The following FOXL2NB variants were observed in gnomAD, a reference collection of about 807,000 sequenced individuals.
FOXL2NB encodes the protein FOXL2 neighbor, also known as FOXL2 neighbor protein.
FOXL2NB carries 10 observed loss-of-function variants against 7.4 expected under a neutral mutation model. That is an observed-to-expected ratio of 1.34 (90% confidence interval 0.83 to 2.28). The LOEUF (loss-of-function observed/expected upper bound fraction) is 2.28, where lower values mean the gene tolerates loss of function less well. FOXL2NB is among the 30% of genes most tolerant of loss of function. The pLI is 0.00. For missense variants in FOXL2NB, 228 were observed against 233.9 expected (o/e 0.97, Z 0.17); for synonymous variants, 104 against 105.3 (o/e 0.99, Z 0.08).
In FOXL2NB at chr3:138,952,444, A is replaced by G. The variant is rs1936149860; in HGVS notation, c.*1872A>G. The G allele has an allele frequency of 6.8e-6, 1 of 148,074 alleles. No homozygotes were observed. The highest frequency in any genetic ancestry group is 1.5e-5 in the Non-Finnish European group (1 of 68,042). 9.2% of individuals were successfully genotyped at this position (148,074 alleles called of 1,614,324 possible). A position where few individuals can be genotyped will look rare whatever the true frequency, so the allele number is the denominator to read the frequency against. On this transcript the variant is annotated 3_prime_UTR_variant, in exon 3 of 3. Transcript: ENST00000383165. Reference sequence around the variant, plus strand: ...ACCTTTGGAGATTTTCCTCATGCCAAGATAGGGTGTGTGTGTGTGTGTGTG... The same window carrying G: ...ACCTTTGGAGATTTTCCTCATGCCAGGATAGGGTGTGTGTGTGTGTGTGTG...
chr3:138,948,551 A>C (rs1936042368), intron 1 of FOXL2NB, among the ~76,000 whole-genome samples: 1 of 152,162 alleles, frequency 6.6e-6, no homozygotes, highest in African/African-American at 2.4e-5. Flanking sequence ...GGGCAAGGCC[A>C]CCTTATGGAG....
chr3:138,950,909 T>A lies in FOXL2NB; in HGVS notation c.*337T>A. On this transcript the variant is annotated 3_prime_UTR_variant, in exon 3 of 3. Coordinates refer to ENST00000383165, the MANE Select transcript of FOXL2NB (RefSeq NM_001040061.3). Reference sequence around the variant, plus strand: ...TGCAGAAGGACCAATGGGCTCCAGGTTTACAAGCCTGACTCCGAGAAGCCT... The same window carrying A: ...TGCAGAAGGACCAATGGGCTCCAGGATTACAAGCCTGACTCCGAGAAGCCT... 3.3e-6 allele frequency: 1 copy of A among 307,156 alleles called. No individual in the cohort carries two copies. The highest frequency in any genetic ancestry group is 6.0e-6 in the Non-Finnish European group (1 of 166,768). 19.0% of individuals were successfully genotyped at this position (307,156 alleles called of 1,614,324 possible). A position where few individuals can be genotyped will look rare whatever the true frequency, so the allele number is the denominator to read the frequency against.
In FOXL2NB at chr3:138,947,824, G is replaced by A. The variant is rs534801540; in HGVS notation, c.100+360G>A. On this transcript the variant is annotated intron_variant, in intron 1 of 2. Transcript: ENST00000383165. The surrounding 1 kb of genome is among the most constrained non-coding windows in gnomAD (Gnocchi z 5.2). ...TACGGGGTTGGAGTGAAGGTTGGAT[G>A]TGTGCTTTAACAGCACCAAGTAGAT... The A allele has an allele frequency of 1.4e-5, 15 of 1,041,776 alleles. No homozygotes were observed. The highest frequency in any genetic ancestry group is 1.7e-5 in the Non-Finnish European group (15 of 866,208). The allele number at this position is 1,041,776 out of a possible 1,614,324, so 64.5% of individuals were successfully genotyped here.
Position 138,951,262 on chromosome 3 carries a change from A to C in FOXL2NB, c.*690A>C, listed in dbSNP as rs1936125769. The C allele has an allele frequency of 6.6e-6, 1 of 152,220 alleles. No homozygotes were observed. Among genetic ancestry groups the C allele is most frequent in the Non-Finnish European group, 1.5e-5 (1 of 68,096 alleles). 9.4% of individuals were successfully genotyped at this position (152,220 alleles called of 1,614,324 possible). A position where few individuals can be genotyped will look rare whatever the true frequency, so the allele number is the denominator to read the frequency against. Reference sequence around the variant, plus strand: ...AGAGAATAGGGGAGTGGAGAGAGAGAGAGAGATATTGAGGAAGAGGAAAGA... The same window carrying C: ...AGAGAATAGGGGAGTGGAGAGAGAGCGAGAGATATTGAGGAAGAGGAAAGA... On this transcript the variant is annotated 3_prime_UTR_variant, in exon 3 of 3. Coordinates refer to ENST00000383165, the MANE Select transcript of FOXL2NB (RefSeq NM_001040061.3).
intron 2 of FOXL2NB, 130 bp from the exon 3 acceptor site, chr3:138,950,135 T>C (rs1359443083): frequency 4.0e-6 from 4 of 1,000,158 alleles, no homozygotes; most frequent in Non-Finnish European, 6.2e-6. Flanking sequence ...CGGATACGGT[T>C]CCAGTGAACC....
In FOXL2NB at chr3:138,949,306, C is replaced by T. The variant is rs986264031; in HGVS notation, c.101-214C>T. On this transcript the variant is annotated intron_variant, in intron 1 of 2. Coordinates refer to ENST00000383165, the MANE Select transcript of FOXL2NB (RefSeq NM_001040061.3). The surrounding 1 kb of genome is among the most constrained non-coding windows in gnomAD (Gnocchi z 4.5). The stretch of plus-strand genomic sequence containing the variant: ...GCCCTGCAGCAGCCAGGTGTAACAG[C>T]ATTGTTGTGTGTGTCATCACTTCCC... Among the ~76,000 whole-genome samples, 4 of 151,910 alleles carry T rather than the reference C, an allele frequency of 2.6e-5. No individual in the cohort carries two copies. The highest frequency in any genetic ancestry group is 5.9e-5 in the Non-Finnish European group (4 of 68,002).
In FOXL2NB at chr3:138,950,480, CG is replaced by C; in HGVS notation, c.439del (p.Glu147ArgfsTer3). ...CACCCGGCGGCTTCCCGCTCCTGAG[CG>C]GGAGAGAATAGAGCTTGCTGCAACC... is the stretch of plus-strand genomic sequence containing the variant. ...RNTRRLPAPERERIELAATLC... is the reference protein window; with the variant it reads ...RNTRRLPAPEXERIELAATLC... On this transcript the variant is annotated frameshift_variant, in exon 3 of 3. Transcript: ENST00000383165. LOFTEE classifies it low-confidence loss of function (END_TRUNC). 6.2e-7 allele frequency: 1 copy of C among 1,614,188 alleles called. No homozygotes were observed. Among genetic ancestry groups the C allele is most frequent in the South Asian group, 1.1e-5 (1 of 91,090 alleles).
rs1402650801 is a variant in FOXL2NB, at chr3:138,952,792, G to A, written c.*2220G>A. ...GATTTGCCTGCTTCAACTTCCCAAA[G>A]TGTTGGGATTACAGGTGTGAGCCAC... On this transcript the variant is annotated 3_prime_UTR_variant, in exon 3 of 3. Transcript: ENST00000383165. 1.3e-5 allele frequency: 2 copies of A among 151,288 alleles called. No homozygotes were observed. The highest frequency in any genetic ancestry group is 2.9e-5 in the Non-Finnish European group (2 of 67,982). 9.4% of individuals were successfully genotyped at this position (151,288 alleles called of 1,614,324 possible).
chr3:138,949,652 G>A lies in FOXL2NB; in HGVS notation c.220+13G>A, dbSNP rs895868983. On this transcript the variant is annotated intron_variant, in intron 2 of 2. Transcript: ENST00000383165. The surrounding 1 kb of genome is among the most constrained non-coding windows in gnomAD (Gnocchi z 4.5). ...GCTCAGAAAACAGGCAAGAAAATGC[G>A]GGCGGGAAAGCTGGCAGAATGATTA... 1.2e-6 allele frequency: 2 copies of A among 1,614,064 alleles called. No individual in the cohort carries two copies. Among genetic ancestry groups the A allele is most frequent in the Non-Finnish European group, 1.7e-6 (2 of 1,180,002 alleles).
chr3:138,949,401 T>C lies in FOXL2NB; in HGVS notation c.101-119T>C. On this transcript the variant is annotated intron_variant, in intron 1 of 2. Transcript: ENST00000383165. The surrounding 1 kb of genome is among the most constrained non-coding windows in gnomAD (Gnocchi z 4.5). ...GTGTGTATGCATGTGCGTGTGTGTGTGTGTGTGTGTGTGTGTAGGGGTTGG... is the reference window on the plus strand; with the variant it reads ...GTGTGTATGCATGTGCGTGTGTGTGCGTGTGTGTGTGTGTGTAGGGGTTGG... 9.1e-7 allele frequency: 1 copy of C among 1,097,582 alleles called. No individual in the cohort carries two copies. Among genetic ancestry groups the C allele is most frequent in the Non-Finnish European group, 1.3e-6 (1 of 759,270 alleles). The allele number at this position is 1,097,582 out of a possible 1,614,324, so 68.0% of individuals were successfully genotyped here. A position where few individuals can be genotyped will look rare whatever the true frequency, so the allele number is the denominator to read the frequency against.
Position 138,950,865 on chromosome 3 carries a change from T to A in FOXL2NB, c.*293T>A. 1 of 427,754 alleles carries A rather than the reference T, an allele frequency of 2.3e-6. No individual in the cohort carries two copies. Among genetic ancestry groups the A allele is most frequent in the Non-Finnish European group, 4.1e-6 (1 of 241,278 alleles). The allele number at this position is 427,754 out of a possible 1,614,324, so 26.5% of individuals were successfully genotyped here. On this transcript the variant is annotated 3_prime_UTR_variant, in exon 3 of 3. Coordinates refer to ENST00000383165, the MANE Select transcript of FOXL2NB (RefSeq NM_001040061.3). ...GACCCTAAGGCTTTTCACACGCTGC[T>A]CACTTTCGCATCTCACGGTGCAGAA...
rs1430501413 is a variant in FOXL2NB, at chr3:138,947,601, A to T, written c.100+137A>T. 7.0e-7 allele frequency: 1 copy of T among 1,419,664 alleles called. No individual in the cohort carries two copies. The highest frequency in any genetic ancestry group is 1.5e-5 in the African/African-American group (1 of 68,036). The allele number at this position is 1,419,664 out of a possible 1,614,324, so 87.9% of individuals were successfully genotyped here. On this transcript the variant is annotated intron_variant, in intron 1 of 2. Transcript: ENST00000383165. The surrounding 1 kb of genome is among the most constrained non-coding windows in gnomAD (Gnocchi z 5.2). ...GGGAGAGCTGCTCTGAGGCTTTGGGAAAGTCAGCCCAGAAACGGGTGTGAC... is the reference window on the plus strand; with the variant it reads ...GGGAGAGCTGCTCTGAGGCTTTGGGTAAGTCAGCCCAGAAACGGGTGTGAC...
rs573503121 is a variant in FOXL2NB at position 138,952,680 on chromosome 3, A to AT, written c.*2126dup. ...GGGTGTGAGCCAACACACTCAGCTAATTTTTTTTTTTTTTTTTTGGTATTT... is the reference window on the plus strand; with the variant it reads ...GGGTGTGAGCCAACACACTCAGCTAATTTTTTTTTTTTTTTTTTTGGTATTT... On this transcript the variant is annotated 3_prime_UTR_variant, in exon 3 of 3. Coordinates refer to ENST00000383165, the MANE Select transcript of FOXL2NB (RefSeq NM_001040061.3). The AT allele has an allele frequency of 0.013, 1,617 of 127,648 alleles. 24 individuals are homozygous for AT. The highest frequency in any genetic ancestry group is 0.03 in the African/African-American group (976 of 32,118). 7.9% of individuals were successfully genotyped at this position (127,648 alleles called of 1,614,324 possible). A position where few individuals can be genotyped will look rare whatever the true frequency, so the allele number is the denominator to read the frequency against.
At position 138,950,653 on chromosome 3, in the gene FOXL2NB, A is replaced by T; in HGVS notation, c.*81A>T. On this transcript the variant is annotated 3_prime_UTR_variant, in exon 3 of 3. Transcript: ENST00000383165. ...CCCTCACAGGGCCCTTTGCACCCAC[A>T]CCTCAGGGACTCGGTGTCCCTCCAC... 4 of 1,440,832 alleles carry T rather than the reference A, an allele frequency of 2.8e-6. No homozygotes were observed. Among genetic ancestry groups the T allele is most frequent in the Non-Finnish European group, 3.8e-6 (4 of 1,048,362 alleles). 89.3% of individuals were successfully genotyped at this position (1,440,832 alleles called of 1,614,324 possible).
At chr3:138,948,684 A>C (rs1278977761) in intron 1 of FOXL2NB, among the ~76,000 whole-genome samples, 1 of 152,190 alleles carries the variant, frequency 6.6e-6, no homozygotes, top group Non-Finnish European at 1.5e-5. Flanking sequence ...GGTTCTCCTG[A>C]AGCCCAAGGA....
chr3:138,951,982 C>CTGAGGAAAAGCGGTT lies in FOXL2NB; in HGVS notation c.*1414_*1428dup, dbSNP rs1365474647. 1 of 152,224 alleles carries CTGAGGAAAAGCGGTT rather than the reference C, an allele frequency of 6.6e-6. No homozygotes were observed. The highest frequency in any genetic ancestry group is 1.9e-4 in the East Asian group (1 of 5,198). 9.4% of individuals were successfully genotyped at this position (152,224 alleles called of 1,614,324 possible). A position where few individuals can be genotyped will look rare whatever the true frequency, so the allele number is the denominator to read the frequency against. ...AGAATTTCCAAGAAAGGGACTGTAGCTGAGGAAAAGCGGTTTGATCATTGA... is the reference window on the plus strand; with the variant it reads ...AGAATTTCCAAGAAAGGGACTGTAGCTGAGGAAAAGCGGTTTGAGGAAAAGCGGTTTGATCATTGA... On this transcript the variant is annotated 3_prime_UTR_variant, in exon 3 of 3. Coordinates refer to ENST00000383165, the MANE Select transcript of FOXL2NB (RefSeq NM_001040061.3).
At position 138,950,730 on chromosome 3, in the gene FOXL2NB, C is replaced by A; in HGVS notation, c.*158C>A. The A allele has an allele frequency of 1.4e-6, 1 of 718,286 alleles. No homozygotes were observed. The allele number at this position is 718,286 out of a possible 1,614,324, so 44.5% of individuals were successfully genotyped here. ...TCTCTCCTTCTCCCTCTGTCAACTC[C>A]AAATCCCCTCTAGTTCTCCCTCCCC... On this transcript the variant is annotated 3_prime_UTR_variant, in exon 3 of 3. Transcript: ENST00000383165.
intron 1 of FOXL2NB, among the ~76,000 whole-genome samples, chr3:138,948,871 C>A (rs1936051301): frequency 6.6e-6 from 1 of 152,210 alleles, no homozygotes; most frequent in South Asian, 2.1e-4. Flanking sequence ...GCAGCCCTTG[C>A]CTGGTCACAA....
chr3:138,949,335 A>G lies in FOXL2NB; in HGVS notation c.101-185A>G, dbSNP rs886750418. On this transcript the variant is annotated intron_variant, in intron 1 of 2. Transcript: ENST00000383165. This position sits in a 1 kb window ranked among gnomAD's most constrained non-coding sequence, Gnocchi z 4.5. ...GTTGTGTGTGTCATCACTTCCCTGAATTCCACACTCGGCTCCCTTTTCAGC... is the reference window on the plus strand; with the variant it reads ...GTTGTGTGTGTCATCACTTCCCTGAGTTCCACACTCGGCTCCCTTTTCAGC... Among the ~76,000 whole-genome samples the G allele has an allele frequency of 2.6e-5, 4 of 151,550 alleles. No individual in the cohort carries two copies. The highest frequency in any genetic ancestry group is 9.7e-5 in the African/African-American group (4 of 41,094).
Sources: allele counts gnomAD v4.1 joint callset (sites outside exome capture counted in the v4.1 genomes callset), GRCh38; gene constraint gnomAD v4.1.1; non-coding constraint Gnocchi (gnomAD v3.1); transcripts MANE v1.5; gene names NCBI Gene and HGNC (gene_info 2026-07-23, HGNC 2026-07-21).